THRAP3: variants seen among roughly 807,000 people sequenced by gnomAD.
The protein encoded by THRAP3 is thyroid hormone receptor associated protein 3.
A neutral mutation model predicts 101.0 loss-of-function variants in THRAP3; 16 were observed. The ratio of observed to expected loss-of-function variants is 0.16; its 90% CI spans 0.11 to 0.24. THRAP3 has a LOEUF of 0.24. Among genes scored for constraint, THRAP3 ranks in the 10% least tolerant of loss-of-function variants. The pLI is 1.00. For missense variants in THRAP3, 989 were observed against 1,202.7 expected (o/e 0.82, Z 2.63); for synonymous variants, 407 against 422.6 (o/e 0.96, Z 0.45).
intron 3 of THRAP3, among the ~76,000 whole-genome samples, chr1:36,284,974 A>C (rs76545646): frequency 6.6e-6 from 1 of 152,168 alleles, no homozygotes; most frequent in South Asian, 2.1e-4. Flanking sequence ...CAGCAGTAAG[A>C]TATATCTTTG....
intron 1 of THRAP3, among the ~76,000 whole-genome samples, chr1:36,230,927 G>A (rs986072283): frequency 6.6e-6 from 1 of 152,136 alleles, no homozygotes; most frequent in African/African-American, 2.4e-5. Context: ...CTGTTTTGCA[G>A]CAACCATCTT....
At chr1:36,303,392 C>T (rs987631740) in intron 11 of THRAP3, among the ~76,000 whole-genome samples, 4 of 151,962 alleles carry the variant, frequency 2.6e-5, no homozygotes, top group African/African-American at 9.7e-5. Flanking sequence ...GCTTAAAGTT[C>T]CTAAGCTTTA....
In THRAP3 at chr1:36,254,579, G is replaced by A. The variant is rs114912584; in HGVS notation, c.-134-4803G>A. ...CTGCAATTTGTAGCAGAGCAAAGCA[G>A]TGAGACCACTGAAGGCAGTCCCTGT... On this transcript the variant is annotated intron_variant, in intron 1 of 11. Coordinates refer to ENST00000354618, the MANE Select transcript of THRAP3 (RefSeq NM_005119.4). Among the ~76,000 whole-genome samples the A allele has an allele frequency of 9.8e-3, 1,487 of 152,318 alleles. 26 individuals carry two copies. Among genetic ancestry groups the A allele is most frequent in the African/African-American group, 0.034 (1,399 of 41,572 alleles).
the THRAP3 span, among the ~76,000 whole-genome samples, chr1:36,215,380 A>G: frequency 6.6e-6 from 1 of 152,162 alleles, no homozygotes; most frequent in African/African-American, 2.4e-5. Flanking sequence ...TCCAGAGTCA[A>G]TGGCAGACCT....
rs57081471 is a variant in THRAP3 at position 36,275,289 on chromosome 1, CAA to C, written c.-31-7229_-31-7228del. On this transcript the variant is annotated intron_variant, in intron 2 of 11. Coordinates refer to ENST00000354618, the MANE Select transcript of THRAP3 (RefSeq NM_005119.4). The stretch of plus-strand genomic sequence containing the variant: ...TGGGCGACAAAGCGAGAGTCTGTCT[CAA>C]AAAAAAAAAAAAAAGTCTGGGTGTG... 8.4e-3 allele frequency among the ~76,000 whole-genome samples: 853 copies of C among 101,442 alleles called. 7 individuals are homozygous for C. The highest frequency in any genetic ancestry group is 9.2e-3 in the African/African-American group (242 of 26,188). 66.5% of individuals were successfully genotyped at this position (101,442 alleles called of 152,430 possible). A position where few individuals can be genotyped will look rare whatever the true frequency, so the allele number is the denominator to read the frequency against.
intron 4 of THRAP3, 144 bp from the exon 5 acceptor site, chr1:36,288,916 A>G: frequency 7.7e-7 from 1 of 1,303,270 alleles, no homozygotes; most frequent in East Asian, 2.9e-5. Flanking sequence ...TTACGAAGTA[A>G]CCGCCTAGAA....
chr1:36,301,600 G>T lies in THRAP3; in HGVS notation c.2550G>T (p.Gly850=), dbSNP rs1169435934. The change falls in exon 11 of 12, where the codon GGG becomes GGT. Residue 850 remains glycine, a synonymous_variant. Transcript: ENST00000354618. The part of the protein sequence containing the change: ...GRGWGRGNYS[G]NNNNNSNNDF... ...GCTGGGGCAGAGGCAACTACTCTGG[G>T]AACAATAACAACAACAGCAACAACG... 6.2e-7 allele frequency: 1 copy of T among 1,614,126 alleles called. No homozygotes were observed. Among genetic ancestry groups the T allele is most frequent in the East Asian group, 2.2e-5 (1 of 44,888 alleles).
Position 36,304,246 on chromosome 1 carries a change from A to C in THRAP3, c.*229A>C. ...AGGCCCAGCTTTTGAGCAGAATACA[A>C]CGCATTGGGCTTTAGCTGTTTTTCT... On this transcript the variant is annotated 3_prime_UTR_variant, in exon 12 of 12. Transcript: ENST00000354618. The C allele has an allele frequency of 1.6e-5, 7 of 449,718 alleles. No individual in the cohort carries two copies. The highest frequency in any genetic ancestry group is 1.5e-5 in the Non-Finnish European group (4 of 265,364). 27.9% of individuals were successfully genotyped at this position (449,718 alleles called of 1,614,324 possible). A position where few individuals can be genotyped will look rare whatever the true frequency, so the allele number is the denominator to read the frequency against.
chr1:36,279,390 C>G (rs547551345), intron 2 of THRAP3, among the ~76,000 whole-genome samples: 1 of 152,230 alleles, frequency 6.6e-6, no homozygotes, highest in South Asian at 2.1e-4. Context: ...CAAGAGTGAA[C>G]CCAGAGAACC....
intron 1 of THRAP3, among the ~76,000 whole-genome samples, chr1:36,241,017 TAACACGGTGA>T (rs1178761475): frequency 6.6e-6 from 1 of 151,912 alleles, no homozygotes; most frequent in African/African-American, 2.4e-5. Flanking sequence ...CCATCCCGGC[TAACACGGTGA>T]AACCCCGTCT....
Position 36,289,258 on chromosome 1 carries a change from G to A in THRAP3, c.1239G>A (p.Lys413=). ...GCAGTCAGTCTCCCAAAAGGTATAA[G>A]CTCCGAGATGACTTTGAGAAGAAGA... is the stretch of plus-strand genomic sequence containing the variant. ...FRGSQSPKRY[K]LRDDFEKKMA... The change falls in exon 5 of 12, where the codon AAG becomes AAA. Residue 413 remains lysine (K), a synonymous_variant. Transcript: ENST00000354618. 6.2e-7 allele frequency: 1 copy of A among 1,614,094 alleles called. No homozygotes were observed. Among genetic ancestry groups the A allele is most frequent in the African/African-American group, 1.3e-5 (1 of 75,024 alleles).
chr1:36,259,273 A>C (rs1645413865), intron 1 of THRAP3, 109 bp from the exon 2 acceptor site: 1 of 395,230 alleles, frequency 2.5e-6, no homozygotes. Context: ...GTCCTTTTGG[A>C]GTAAAGCTGA....
At chr1:36,248,715 T>C (rs530030714) in intron 1 of THRAP3, among the ~76,000 whole-genome samples, 2 of 152,100 alleles carry the variant, frequency 1.3e-5, no homozygotes, top group African/African-American at 4.8e-5. Context: ...CTTATGTATG[T>C]GAGGGCTCAC....
At chr1:36,224,848 C>T (rs770334203) in intron 1 of THRAP3, 2 of 152,398 alleles carry the variant, frequency 1.3e-5, no homozygotes, top group South Asian at 2.1e-4. Flanking sequence ...ATTTGGATTT[C>T]TTTTCCCGGA....
chr1:36,263,554 T>C (rs897411165), intron 2 of THRAP3, among the ~76,000 whole-genome samples: 1 of 152,204 alleles, frequency 6.6e-6, no homozygotes, highest in African/African-American at 2.4e-5. Flanking sequence ...TGAGAATTTC[T>C]CTTAAGAATT....
Position 36,303,473 on chromosome 1 carries a change from G to A in THRAP3, c.2647-323G>A, listed in dbSNP as rs72910603. Among the ~76,000 whole-genome samples the A allele has an allele frequency of 1.5e-3, 229 of 152,264 alleles. 1 individual carries two copies. Among genetic ancestry groups the A allele is most frequent in the African/African-American group, 5.4e-3 (223 of 41,546 alleles). On this transcript the variant is annotated intron_variant, in intron 11 of 11. Transcript: ENST00000354618. Reference sequence around the variant, plus strand: ...GAATTAAATGAGATAGTACATAAATGTCTTACTTCAGTGCTCAGTGACGTT... The same window carrying A: ...GAATTAAATGAGATAGTACATAAATATCTTACTTCAGTGCTCAGTGACGTT...
rs1177612349 is a variant in THRAP3, at chr1:36,304,350, A to G, written c.*333A>G. On this transcript the variant is annotated 3_prime_UTR_variant, in exon 12 of 12. Transcript: ENST00000354618. ...GATTTTTGTTTCCTATTAGAAACCA[A>G]CAGTTTTGTTCTAATTTCATTTCAT... 1 of 258,354 alleles carries G rather than the reference A, an allele frequency of 3.9e-6. No individual in the cohort carries two copies. The highest frequency in any genetic ancestry group is 2.2e-5 in the African/African-American group (1 of 45,920). 16.0% of individuals were successfully genotyped at this position (258,354 alleles called of 1,614,324 possible).
rs1404871095 is a variant in THRAP3 at position 36,305,175 on chromosome 1, C to T, written c.*1158C>T. Reference sequence around the variant, plus strand: ...TGCATATGTTATATGCGGACTGCACCCACCTCTCCCCCCCAGCCTTTGCCT... The same window carrying T: ...TGCATATGTTATATGCGGACTGCACTCACCTCTCCCCCCCAGCCTTTGCCT... On this transcript the variant is annotated 3_prime_UTR_variant, in exon 12 of 12. Transcript: ENST00000354618. The T allele has an allele frequency of 4.5e-6, 1 of 221,608 alleles. No homozygotes were observed. The highest frequency in any genetic ancestry group is 9.0e-6 in the Non-Finnish European group (1 of 110,906). 13.7% of individuals were successfully genotyped at this position (221,608 alleles called of 1,614,324 possible).
intron 4 of THRAP3, 114 bp from the exon 5 acceptor site, chr1:36,288,946 A>T: frequency 1.5e-6 from 2 of 1,359,354 alleles, no homozygotes; most frequent in South Asian, 2.2e-5. Context: ...GTAATACAGG[A>T]ATCCATAAGA....
Sources: gnomAD v4.1 joint callset for allele counts (sites outside exome capture counted in the v4.1 genomes callset) on GRCh38, gnomAD v4.1.1 for gene constraint, MANE v1.5 for transcripts, NCBI Gene and HGNC (gene_info 2026-07-23, HGNC 2026-07-21) for gene names.